The following CCDC57 variants were observed in gnomAD, a reference collection of about 807,000 sequenced individuals.
CCDC57 encodes the protein coiled-coil domain containing 57, also known as coiled-coil domain-containing protein 57.
Under a neutral mutation model 118.9 loss-of-function variants are expected in CCDC57, and 118 were observed. The observed-to-expected ratio is 0.99, with a 90% CI of 0.86 to 1.16. The LOEUF (loss-of-function observed/expected upper bound fraction) is 1.16, where lower values mean the gene tolerates loss of function less well. CCDC57 is among the 50% of genes most tolerant of loss of function. CCDC57 has a pLI of 0.00. For synonymous variants in CCDC57, 527 were observed against 532.9 expected, an observed-to-expected ratio of 0.99 and a Z score of 0.15; for missense variants, 1,300 against 1,320.7, an observed-to-expected ratio of 0.98 and a Z score of 0.24.
At chr17:82,123,367 G>A (rs967762603) in intron 19 of CCDC57, among the ~76,000 whole-genome samples, 5 of 146,710 alleles carry the variant, frequency 3.4e-5, no homozygotes, top group Non-Finnish European at 7.4e-5. Context: ...GAGTTCAAGC[G>A]ATCCTCCCAC....
intron 7 of CCDC57, 110 bp downstream of exon 6, chr17:82,193,646 T>C: frequency 1.1e-6 from 1 of 880,502 alleles, no homozygotes; most frequent in South Asian, 1.6e-5. Flanking sequence ...CCAGGTCCGA[T>C]CCCTGGAGTG....
In CCDC57 at chr17:82,172,038, T is replaced by C. The variant is rs1469518664; in HGVS notation, c.1730-185A>G. 1.3e-5 allele frequency among the ~76,000 whole-genome samples: 2 copies of C among 152,092 alleles called. No individual in the cohort carries two copies. The highest frequency in any genetic ancestry group is 2.9e-5 in the Non-Finnish European group (2 of 68,004). On this transcript the variant is annotated intron_variant, in intron 12 of 19. Coordinates refer to ENST00000665763, the Ensembl canonical transcript of CCDC57. This position sits in a 1 kb window ranked among gnomAD's most constrained non-coding sequence, Gnocchi z 5.2. ...CTGTGTGTGTCAGACTGAAAGACCTTCCCTCCCCTCACTGGCCAGAGTGTG... is the reference window on the plus strand; with the variant it reads ...CTGTGTGTGTCAGACTGAAAGACCTCCCCTCCCCTCACTGGCCAGAGTGTG...
chr17:82,159,941 T>C (rs938354174), intron 14 of CCDC57: 2 of 152,008 alleles, frequency 1.3e-5, no homozygotes, highest in African/African-American at 4.8e-5. Context: ...GGTGCTGGGA[T>C]TACAGGCGTG....
intron 14 of CCDC57, among the ~76,000 whole-genome samples, chr17:82,162,007 T>A (rs28669262): frequency 9.6e-3 from 462 of 48,040 alleles, no homozygotes; most frequent in African/African-American, 0.025. Flanking sequence ...ATTAAAAAAA[T>A]TTTTTTTTTG....
chr17:82,152,381 CA>C (rs796166316), intron 15 of CCDC57: 10 of 155,420 alleles, frequency 6.4e-5, no homozygotes, highest in African/African-American at 2.4e-4. Flanking sequence ...GAAGCAGGTG[CA>C]GGGGGAGCAC....
intron 19 of CCDC57, chr17:82,112,951 G>A (rs938527173): frequency 2.3e-5 from 4 of 175,190 alleles, no homozygotes; most frequent in Admixed American, 5.8e-5. Context: ...TTGTAACTAC[G>A]GCCTGGCCAG....
intron 14 of CCDC57, among the ~76,000 whole-genome samples, chr17:82,159,464 C>G (rs371041122): frequency 2.0e-5 from 3 of 152,086 alleles, no homozygotes; most frequent in African/African-American, 4.8e-5. Flanking sequence ...TCAACTGCCT[C>G]GACAGAAATG....
In CCDC57 at chr17:82,101,729, CT is replaced by C; in HGVS notation, c.3036del (p.Gly1013AlafsTer?). 1 of 1,607,996 alleles carries C rather than the reference CT, an allele frequency of 6.2e-7. No individual in the cohort carries two copies. Among genetic ancestry groups the C allele is most frequent in the Non-Finnish European group, 8.5e-7 (1 of 1,177,704 alleles). ...CGGATCTTGGGGGGCCTCTGGCAGC[CT>C]TTAGCTTTTGCAGGATGAGACCGGG... On this transcript the variant is annotated frameshift_variant, in exon 20 of 20. Transcript: ENST00000665763. LOFTEE classifies it high-confidence loss of function.
At position 82,128,479 on chromosome 17, in the gene CCDC57, G is replaced by A. The variant is rs755835748; in HGVS notation, c.2682+14C>T. The A allele has an allele frequency of 2.4e-5, 37 of 1,533,136 alleles. No individual in the cohort carries two copies. In the East Asian group the frequency reaches 4.6e-4, roughly 19 times the overall value. 95.0% of individuals were successfully genotyped at this position (1,533,136 alleles called of 1,614,324 possible). A position where few individuals can be genotyped will look rare whatever the true frequency, so the allele number is the denominator to read the frequency against. On this transcript the variant is annotated intron_variant, in intron 18 of 19. Coordinates refer to ENST00000665763, the Ensembl canonical transcript of CCDC57. ...CCCACACAGCTGCACTTGCTCGGGC[G>A]CCGCCACTCTCACCTTCGGGCCTTG...
chr17:82,129,530 G>A (rs761586920), intron 17 of CCDC57, among the ~76,000 whole-genome samples: 1 of 152,138 alleles, frequency 6.6e-6, no homozygotes, highest in Non-Finnish European at 1.5e-5. Flanking sequence ...GTTTACCAAC[G>A]TTTGCCTGTT....
chr17:82,127,834 C>A (rs1332637194), exon 19 of CCDC57: 2 of 1,610,756 alleles, frequency 1.2e-6, no homozygotes, highest in South Asian at 2.2e-5. Context: ...GCTGGGGAGC[C>A]TGGGGTGGCT....
At chr17:82,179,502 G>A (rs1000059722) in intron 9 of CCDC57, among the ~76,000 whole-genome samples, 5 of 152,150 alleles carry the variant, frequency 3.3e-5, no homozygotes, top group African/African-American at 4.8e-5. Context: ...TCATAAACGC[G>A]GTTATGCACA....
At chr17:82,112,585 C>G in intron 19 of CCDC57, 1 of 152,442 alleles carries the variant, frequency 6.6e-6, no homozygotes, top group East Asian at 1.9e-4. Context: ...CTCTTTTCTG[C>G]AGTTTCCTCC....
intron 13 of CCDC57, among the ~76,000 whole-genome samples, chr17:82,167,353 CTT>C (rs922771936): frequency 1.3e-4 from 18 of 140,510 alleles, no homozygotes; most frequent in Admixed American, 2.2e-4. Flanking sequence ...GACAAAAATT[CTT>C]TTTTTTTTTT....
chr17:82,161,764 G>A lies in CCDC57; in HGVS notation c.2040+1436C>T, dbSNP rs1173544042. ...AGGGAAGGGGTGACACTGCTGTGTG[G>A]TTATTGTACCGAGCTTCTATCTGGG... On this transcript the variant is annotated intron_variant, in intron 14 of 19. Coordinates refer to ENST00000665763, the Ensembl canonical transcript of CCDC57. Among the ~76,000 whole-genome samples, 4 of 152,130 alleles carry A rather than the reference G, an allele frequency of 2.6e-5. No individual in the cohort carries two copies. In the East Asian group the frequency reaches 5.8e-4, roughly 22 times the overall value.
intron 3 of CCDC57, among the ~76,000 whole-genome samples, chr17:82,198,639 C>A (rs1202370899): frequency 6.6e-6 from 1 of 151,552 alleles, no homozygotes; most frequent in Non-Finnish European, 1.5e-5. Flanking sequence ...CAGAGTCTCA[C>A]AACATAAAAC....
chr17:82,126,793 T>A (rs993160473), intron 19 of CCDC57: 6 of 985,282 alleles, frequency 6.1e-6, no homozygotes, highest in Non-Finnish European at 7.2e-6. Flanking sequence ...TCTAACAGTA[T>A]CTGTGACGGT....
Position 82,184,029 on chromosome 17 carries a change from G to GCACACA in CCDC57, c.1053-98_1053-97insTGTGTG, listed in dbSNP as rs1216297514. 3.3e-3 allele frequency: 792 copies of GCACACA among 238,508 alleles called. 2 individuals carry two copies. Among genetic ancestry groups the GCACACA allele is most frequent in the East Asian group, 0.013 (110 of 8,680 alleles). The allele number at this position is 238,508 out of a possible 1,614,324, so 14.8% of individuals were successfully genotyped here. On this transcript the variant is annotated intron_variant, in intron 8 of 19. Transcript: ENST00000665763. ...AGCAAATACACATGCGCGCGCGCGCGCGCACACACACACACACACACACAC... is the reference window on the plus strand; with the variant it reads ...AGCAAATACACATGCGCGCGCGCGCGCACACACGCACACACACACACACACACACAC...
In CCDC57 at chr17:82,212,389, TTTC is replaced by T. The variant is rs1490446884; in HGVS notation, c.-211+393_-211+395del. On this transcript the variant is annotated intron_variant, in intron 1 of 19. Transcript: ENST00000665763. The surrounding 1 kb of genome is among the most constrained non-coding windows in gnomAD (Gnocchi z 4.1). ...CGAACCACCGCCTCCGGCCTTTTTT[TTTC>T]CTCTCTTTTTTTTTTTTTTTTTTTA... is the stretch of plus-strand genomic sequence containing the variant. Among the ~76,000 whole-genome samples, 1 of 117,890 alleles carries T rather than the reference TTTC, an allele frequency of 8.5e-6. No homozygotes were observed. Among genetic ancestry groups the T allele is most frequent in the East Asian group, 2.1e-4 (1 of 4,842 alleles). 77.3% of individuals were successfully genotyped at this position (117,890 alleles called of 152,430 possible). A position where few individuals can be genotyped will look rare whatever the true frequency, so the allele number is the denominator to read the frequency against.
Sources: allele counts gnomAD v4.1 joint callset (sites outside exome capture counted in the v4.1 genomes callset), GRCh38; gene constraint gnomAD v4.1.1; non-coding constraint Gnocchi (gnomAD v3.1); transcripts MANE v1.5; gene names NCBI Gene and HGNC (gene_info 2026-07-23, HGNC 2026-07-21).